Variants in KIAA1217 observed in about 807,000 individuals in gnomAD.
KIAA1217 encodes the protein sickle tail protein homolog.
Under a neutral mutation model 163.9 loss-of-function variants are expected in KIAA1217, and 88 were observed. The observed-to-expected ratio is 0.54, with a 90% CI of 0.45 to 0.64. The LOEUF is 0.64. KIAA1217 is among the 30% of genes least tolerant of loss of function. The pLI is 0.00. For missense variants in KIAA1217, 2,372 were observed against 2,475.0 expected, an observed-to-expected ratio of 0.96 and a Z score of 0.88; for synonymous variants, 903 against 923.1, an observed-to-expected ratio of 0.98 and a Z score of 0.39.
chr10:23,702,666 TACACACACACACAC>T (rs377621544), intron 1 of KIAA1217, among the ~76,000 whole-genome samples: 53 of 134,422 alleles, frequency 3.9e-4, no homozygotes, highest in African/African-American at 6.2e-4. Flanking sequence ...AACAGGAGAA[TACACACACACACAC>T]ACACACACAC....
intron 2 of KIAA1217, among the ~76,000 whole-genome samples, chr10:24,116,249 T>C (rs1223497328): frequency 1.3e-5 from 2 of 152,034 alleles, no homozygotes; most frequent in African/African-American, 4.8e-5. Context: ...AATACAATTA[T>C]GGTGATACAC....
chr10:23,950,192 C>T (rs773922605), intron 1 of KIAA1217, among the ~76,000 whole-genome samples: 1 of 152,164 alleles, frequency 6.6e-6, no homozygotes, highest in African/African-American at 2.4e-5. Flanking sequence ...TGGCAGTGAT[C>T]CAGCCTCTGC....
At chr10:24,467,846 T>A (rs1482707122) in intron 5 of KIAA1217, among the ~76,000 whole-genome samples, 1 of 150,572 alleles carries the variant, frequency 6.6e-6, no homozygotes, top group Non-Finnish European at 1.5e-5. Flanking sequence ...GTGTTGCTTA[T>A]TTATTTTCTT....
chr10:23,970,315 G>T (rs1845261674), intron 1 of KIAA1217, among the ~76,000 whole-genome samples: 3 of 152,168 alleles, frequency 2.0e-5, no homozygotes, highest in African/African-American at 7.2e-5. Flanking sequence ...CTTTTAAAAA[G>T]AAGAAAAGTT....
chr10:24,436,000 A>G (rs554204129), intron 4 of KIAA1217, among the ~76,000 whole-genome samples: 1 of 151,978 alleles, frequency 6.6e-6, no homozygotes, highest in South Asian at 2.1e-4. Context: ...AGCTGGGACT[A>G]CAGGTGTGCG....
chr10:24,412,483 C>T lies in KIAA1217; in HGVS notation c.554-20512C>T, dbSNP rs549246048. ...TTCAATCCCTCCACTCCACAGAACT[C>T]GGGTCCAGGTCACAGATGATTCCAT... On this transcript the variant is annotated intron_variant, in intron 3 of 20. Transcript: ENST00000376454. Among the ~76,000 whole-genome samples, 6 of 152,334 alleles carry T rather than the reference C, an allele frequency of 3.9e-5. No homozygotes were observed. In the East Asian group the frequency reaches 5.8e-4, roughly 15 times the overall value.
chr10:24,284,662 T>C (rs906637434), intron 2 of KIAA1217, among the ~76,000 whole-genome samples: 3 of 152,200 alleles, frequency 2.0e-5, no homozygotes, highest in Admixed American at 6.5e-5. Context: ...ATGTCTTTGC[T>C]GAGTTCTGTG....
chr10:24,316,635 A>G (rs150902867), intron 2 of KIAA1217, among the ~76,000 whole-genome samples: 2 of 152,164 alleles, frequency 1.3e-5, no homozygotes, highest in Non-Finnish European at 2.9e-5. Context: ...CCACAGATAC[A>G]GACACTTTGG....
chr10:24,467,210 G>T (rs1178671301), intron 5 of KIAA1217, among the ~76,000 whole-genome samples: 4 of 152,150 alleles, frequency 2.6e-5, no homozygotes, highest in African/African-American at 9.7e-5. Context: ...ATTTGAAATG[G>T]CCCCAGATAT....
chr10:23,726,600 A>G (rs944926867), intron 1 of KIAA1217, among the ~76,000 whole-genome samples: 2 of 152,168 alleles, frequency 1.3e-5, no homozygotes. Flanking sequence ...AGAAACTACC[A>G]TCAGAGTGAA....
At chr10:23,857,962 A>G (rs568465610) in intron 1 of KIAA1217, among the ~76,000 whole-genome samples, 1 of 152,122 alleles carries the variant, frequency 6.6e-6, no homozygotes, top group Non-Finnish European at 1.5e-5. Context: ...TGGTTAAAAA[A>G]AAAAAAGAGG....
intron 2 of KIAA1217, among the ~76,000 whole-genome samples, chr10:24,126,322 C>T (rs777944629): frequency 6.6e-6 from 1 of 152,022 alleles, no homozygotes; most frequent in Admixed American, 6.6e-5. Flanking sequence ...GTTTTTGGTT[C>T]AATTGCTATA....
chr10:24,492,912 C>T (rs2066329547), intron 6 of KIAA1217, among the ~76,000 whole-genome samples: 1 of 151,808 alleles, frequency 6.6e-6, no homozygotes, highest in African/African-American at 2.4e-5. Flanking sequence ...GTGGCGCGAT[C>T]TCAGCTCACT....
At chr10:24,019,750 C>T (rs547083854) in intron 2 of KIAA1217, among the ~76,000 whole-genome samples, 22 of 151,680 alleles carry the variant, frequency 1.5e-4, no homozygotes, top group African/African-American at 4.4e-4. Flanking sequence ...TTTGTTAAAT[C>T]CTAGACTAGG....
chr10:23,696,721 C>T (rs1836068641), intron 1 of KIAA1217, among the ~76,000 whole-genome samples: 1 of 152,196 alleles, frequency 6.6e-6, no homozygotes, highest in Non-Finnish European at 1.5e-5. Context: ...CTGGTTTTAA[C>T]CACAATGACT....
intron 2 of KIAA1217, among the ~76,000 whole-genome samples, chr10:24,247,832 T>C (rs913000136): frequency 6.6e-6 from 1 of 152,188 alleles, no homozygotes; most frequent in Non-Finnish European, 1.5e-5. Flanking sequence ...TGATGTCCAA[T>C]AAATCAGAGA....
chr10:23,824,683 G>A lies in KIAA1217; in HGVS notation c.-321+129449G>A, dbSNP rs1431802176. 8.1e-4 allele frequency among the ~76,000 whole-genome samples: 79 copies of A among 97,150 alleles called. 1 individual carries two copies. Among genetic ancestry groups the A allele is most frequent in the African/African-American group, 2.7e-3 (74 of 27,428 alleles). 63.7% of individuals were successfully genotyped at this position (97,150 alleles called of 152,430 possible). On this transcript the variant is annotated intron_variant, in intron 1 of 18. Coordinates refer to the KIAA1217 transcript ENST00000376462. ...AATATATATATATATATATATATAT[G>A]TATATATGATATGTAAAGGAGAAAA...
chr10:24,285,754 A>G (rs1431612221), intron 2 of KIAA1217, among the ~76,000 whole-genome samples: 1 of 152,170 alleles, frequency 6.6e-6, no homozygotes, highest in African/African-American at 2.4e-5. Flanking sequence ...TCACAATTTG[A>G]TAGGAATAGT....
At chr10:23,775,085 G>A (rs915685967) in intron 1 of KIAA1217, among the ~76,000 whole-genome samples, 1 of 152,092 alleles carries the variant, frequency 6.6e-6, no homozygotes, top group East Asian at 1.9e-4. Context: ...AGGTGTGTGT[G>A]ATCAGATGCA....
Sources: gnomAD v4.1 joint callset for allele counts (sites outside exome capture counted in the v4.1 genomes callset) on GRCh38, gnomAD v4.1.1 for gene constraint, MANE v1.5 for transcripts, NCBI Gene and HGNC (gene_info 2026-07-23, HGNC 2026-07-21) for gene names.